SEC16A: variants seen among roughly 807,000 people sequenced by gnomAD.
The protein encoded by SEC16A is protein transport protein Sec16A.
Under a neutral mutation model 221.9 loss-of-function variants are expected in SEC16A, and 110 were observed. The observed-to-expected ratio is 0.50, with a 90% confidence interval of 0.42 to 0.58. SEC16A has a LOEUF of 0.58. SEC16A is among the 20% of genes least tolerant of loss of function. The pLI, the probability that SEC16A is intolerant of heterozygous loss-of-function variation, is 0.00. For missense variants in SEC16A, 3,165 were observed against 3,097.8 expected (o/e 1.02, Z -0.52); for synonymous variants, 1,393 against 1,257.7 (o/e 1.11, Z -2.28).
At chr9:136,448,025 A>G (rs1837244724) in intron 24 of SEC16A, 59 bp downstream of exon 24, 2 of 1,556,168 alleles carry the variant, frequency 1.3e-6, no homozygotes, top group South Asian at 2.3e-5. Context: ...CTGCTCTGAA[A>G]GTGACAGAAA....
chr9:136,464,631 A>G, intron 8 of SEC16A, 69 bp from the exon 9 acceptor site: 1 of 1,370,024 alleles, frequency 7.3e-7, no homozygotes, highest in Non-Finnish European at 1.0e-6. Context: ...TAGATTTTCA[A>G]TGTGCTCACA....
Position 136,477,193 on chromosome 9 carries a change from A to G in SEC16A, c.423T>C (p.Ser141=). ...SAPPGPEMNR[S]AEVGPSSEPE... Reference sequence around the variant, plus strand: ...GCTCTGAACTGGGACCGACCTCTGCACTCCTGTTCATCTCAGGCCCAGGAG... The same window carrying G: ...GCTCTGAACTGGGACCGACCTCTGCGCTCCTGTTCATCTCAGGCCCAGGAG... The change falls in exon 3 of 32, where the codon AGT becomes AGC. Residue 141 remains serine, a synonymous_variant. Transcript: ENST00000684901. 9 of 1,613,610 alleles carry G rather than the reference A, an allele frequency of 5.6e-6. No homozygotes were observed. The highest frequency in any genetic ancestry group is 6.8e-6 in the Non-Finnish European group (8 of 1,179,820).
In SEC16A at chr9:136,474,791, T is replaced by C. The variant is rs746218746; in HGVS notation, c.2825A>G (p.Gln942Arg). The change falls in exon 3 of 32, where the codon CAA becomes CGA. Residue 942 changes from glutamine to arginine, a missense_variant. Gln to Arg is a conservative substitution (Grantham distance 43). Coordinates refer to ENST00000684901, the MANE Select transcript of SEC16A (RefSeq NM_014866.2). ...PVPENLVPES[Q>R]KDRKAGSALP... ...AGCACTTCCTGCCTTACGATCCTTT[T>C]GACTTTCTGGAACCAAGTTCTCTGG... is the stretch of plus-strand genomic sequence containing the variant. 3 of 1,614,008 alleles carry C rather than the reference T, an allele frequency of 1.9e-6. No individual in the cohort carries two copies. Among genetic ancestry groups the C allele is most frequent in the Non-Finnish European group, 2.5e-6 (3 of 1,179,898 alleles).
intron 8 of SEC16A, among the ~76,000 whole-genome samples, chr9:136,465,216 C>T (rs906329063): frequency 6.6e-6 from 1 of 152,096 alleles, no homozygotes; most frequent in East Asian, 1.9e-4. Flanking sequence ...TTTGGGAGAC[C>T]GAGGAGGATG....
At chr9:136,453,964 G>T in intron 21 of SEC16A, 145 bp downstream of exon 21, 2 of 789,174 alleles carry the variant, frequency 2.5e-6, no homozygotes, top group Non-Finnish European at 4.2e-6. Context: ...CATCCAGTCT[G>T]TAACTTCCAG....
chr9:136,457,638 C>T lies in SEC16A; in HGVS notation c.5410-54G>A, dbSNP rs569726097. The T allele has an allele frequency of 1.5e-3, 2,409 of 1,566,798 alleles. 41 individuals carry two copies. The South Asian group carries it at 0.023, about 15-fold the overall frequency. ...CGGCTCCCCCGCGTCCGAGCATCGC[C>T]GATGGACAAAGCCTTGTACTGCCCT... is the stretch of plus-strand genomic sequence containing the variant. On this transcript the variant is annotated intron_variant, in intron 17 of 31. Coordinates refer to ENST00000684901, the MANE Select transcript of SEC16A (RefSeq NM_014866.2).
At chr9:136,452,492 G>A (rs1050409183) in intron 22 of SEC16A, among the ~76,000 whole-genome samples, 22 of 142,472 alleles carry the variant, frequency 1.5e-4, no homozygotes, top group African/African-American at 5.4e-4. Flanking sequence ...ATGGCCAGGT[G>A]CAGTGGTTCA....
Position 136,440,941 on chromosome 9 carries a change from G to T in SEC16A, c.*814C>A, listed in dbSNP as rs576307325. The T allele has an allele frequency of 2.6e-5, 4 of 152,420 alleles. No individual in the cohort carries two copies. The East Asian group carries it at 7.5e-4, about 29-fold the overall frequency. The allele number at this position is 152,420 out of a possible 1,614,324, so 9.4% of individuals were successfully genotyped here. A position where few individuals can be genotyped will look rare whatever the true frequency, so the allele number is the denominator to read the frequency against. ...TGAAGCCCAAATCAAACATCACACG[G>T]TCAGTTTTCAACCTGGATGACCACC... On this transcript the variant is annotated 3_prime_UTR_variant, in exon 32 of 32. Transcript: ENST00000684901.
intron 3 of SEC16A, among the ~76,000 whole-genome samples, chr9:136,473,304 G>A (rs901466870): frequency 6.6e-6 from 1 of 152,224 alleles, no homozygotes; most frequent in Non-Finnish European, 1.5e-5. Context: ...GGGTGACACT[G>A]AATCGGTGAA....
chr9:136,455,919 G>A, intron 19 of SEC16A, 126 bp from the exon 20 acceptor site: 1 of 1,176,174 alleles, frequency 8.5e-7, no homozygotes, highest in East Asian at 2.5e-5. Flanking sequence ...CCCTTTCTGG[G>A]GAATTAGGGA....
chr9:136,452,062 AG>A (rs1216463514), intron 22 of SEC16A, among the ~76,000 whole-genome samples: 11 of 152,212 alleles, frequency 7.2e-5, no homozygotes, highest in Non-Finnish European at 1.5e-4. Flanking sequence ...TCTCACTTTC[AG>A]GAAAACCAGT....
rs183696253 is a variant in SEC16A at position 136,453,485 on chromosome 9, A to G, written c.6102T>C (p.Val2034=). The change falls in exon 22 of 32, where the codon GTT becomes GTC. Residue 2034 remains valine (V), a synonymous_variant. Transcript: ENST00000684901. ...CGCTTAGCTCGGAAAGTGAGTTTCC[A>G]ACAGGCGCCTCCTGCGGCACTATCC... ...DPGIVPQEAP[V]GNSLSELSEE... 1 of 1,613,570 alleles carries G rather than the reference A, an allele frequency of 6.2e-7. No homozygotes were observed. Among genetic ancestry groups the G allele is most frequent in the African/African-American group, 1.3e-5 (1 of 75,070 alleles).
rs564269065 is a variant in SEC16A at position 136,446,451 on chromosome 9, GT to G, written c.6792+403del. Among the ~76,000 whole-genome samples, 781 of 130,640 alleles carry G rather than the reference GT, an allele frequency of 6.0e-3. 5 individuals carry two copies. Among genetic ancestry groups the G allele is most frequent in the South Asian group, 0.013 (51 of 4,000 alleles). 85.7% of individuals were successfully genotyped at this position (130,640 alleles called of 152,430 possible). ...TTCACATGGGAGTCATTTGTTTTTT[GT>G]TTTTTTTTTTTGGATGAAAATATAC... is the stretch of plus-strand genomic sequence containing the variant. On this transcript the variant is annotated intron_variant, in intron 28 of 31. Coordinates refer to ENST00000684901, the MANE Select transcript of SEC16A (RefSeq NM_014866.2).
chr9:136,466,241 G>A lies in SEC16A; in HGVS notation c.4128+23C>T. On this transcript the variant is annotated intron_variant, in intron 7 of 31. Transcript: ENST00000684901. This position sits in a 1 kb window ranked among gnomAD's most constrained non-coding sequence, Gnocchi z 5.5. ...TGGTTCTAAACACAACCGTCCGCGT[G>A]TCTGTGAGGCGCCGCCGCGTACCTG... is the stretch of plus-strand genomic sequence containing the variant. The A allele has an allele frequency of 6.3e-7, 1 of 1,589,458 alleles. No individual in the cohort carries two copies. Among genetic ancestry groups the A allele is most frequent in the Non-Finnish European group, 8.6e-7 (1 of 1,165,902 alleles).
chr9:136,452,290 T>G (rs1390523413), intron 22 of SEC16A, among the ~76,000 whole-genome samples: 2 of 139,228 alleles, frequency 1.4e-5, no homozygotes, highest in African/African-American at 2.7e-5. Flanking sequence ...CTACTAAAAA[T>G]ACAAAAAAAA....
chr9:136,442,040 A>G (rs1301000759), intron 31 of SEC16A, among the ~76,000 whole-genome samples: 1 of 152,086 alleles, frequency 6.6e-6, no homozygotes, highest in Non-Finnish European at 1.5e-5. Flanking sequence ...TTAACCATCA[A>G]TGTTTACTGT....
chr9:136,476,687 T>G lies in SEC16A; in HGVS notation c.929A>C (p.Asn310Thr). The part of the protein sequence containing the change: ...STFRQNPRIV[N>T]HWASPELRQN... ...CCTGAGCTCTGGGCTTGCCCAGTGATTCACAATTCTGGGATTTTGCCTGAA... is the reference window on the plus strand; with the variant it reads ...CCTGAGCTCTGGGCTTGCCCAGTGAGTCACAATTCTGGGATTTTGCCTGAA... Residue 310 changes from asparagine (N) to threonine (T), a missense_variant, in exon 3 of 32, where the codon AAT (asparagine) becomes ACT (threonine). By Grantham distance (65) the Asn-to-Thr change is moderately conservative. Transcript: ENST00000684901. The G allele has an allele frequency of 6.4e-7, 1 of 1,572,578 alleles. No homozygotes were observed. Among genetic ancestry groups the G allele is most frequent in the Non-Finnish European group, 8.6e-7 (1 of 1,156,720 alleles).
rs1393799437 is a variant in SEC16A at position 136,462,915 on chromosome 9, C to T, written c.4865G>A (p.Arg1622Lys). 6.2e-7 allele frequency: 1 copy of T among 1,602,638 alleles called. No homozygotes were observed. Among genetic ancestry groups the T allele is most frequent in the Non-Finnish European group, 8.5e-7 (1 of 1,179,832 alleles). ...SSLERETERF[R>K]ELLLYGRKKD... ...CTTACGGCCATACAGCAACAGCTCCCTGAACCTCTCGGTCTCTCTCTCGAG... is the reference window on the plus strand; with the variant it reads ...CTTACGGCCATACAGCAACAGCTCCTTGAACCTCTCGGTCTCTCTCTCGAG... Residue 1622 changes from arginine to lysine, a missense_variant, in exon 12 of 32, where the codon AGG (arginine) becomes AAG (lysine). Coordinates refer to ENST00000684901, the MANE Select transcript of SEC16A (RefSeq NM_014866.2).
At position 136,447,414 on chromosome 9, in the gene SEC16A, A is replaced by G; in HGVS notation, c.6560-50T>C. On this transcript the variant is annotated intron_variant, in intron 26 of 31. Coordinates refer to ENST00000684901, the MANE Select transcript of SEC16A (RefSeq NM_014866.2). The surrounding 1 kb of genome is among the most constrained non-coding windows in gnomAD (Gnocchi z 5.5). ...GAGGTGAACGCGCCAGGTGGCCTCC[A>G]GCTTCCAAATGCTCTGCGCTCACTG... is the stretch of plus-strand genomic sequence containing the variant. The G allele has an allele frequency of 6.3e-7, 1 of 1,582,416 alleles. No homozygotes were observed. Among genetic ancestry groups the G allele is most frequent in the Non-Finnish European group, 8.6e-7 (1 of 1,164,344 alleles).
Sources: allele counts gnomAD v4.1 joint callset (sites outside exome capture counted in the v4.1 genomes callset), GRCh38; gene constraint gnomAD v4.1.1; non-coding constraint Gnocchi (gnomAD v3.1); transcripts MANE v1.5; gene names NCBI Gene and HGNC (gene_info 2026-07-23, HGNC 2026-07-21).